The following ADGRA3 variants were observed in gnomAD, a reference collection of about 807,000 sequenced individuals.
ADGRA3 encodes the protein G-protein coupled receptor 125.
A neutral mutation model predicts 119.8 loss-of-function variants in ADGRA3; 56 were observed. The ratio of observed to expected loss-of-function variants is 0.47; its 90% CI spans 0.38 to 0.58. The LOEUF (loss-of-function observed/expected upper bound fraction) is 0.58. ADGRA3 is among the 20% of genes least tolerant of loss of function. The pLI is 0.00. For synonymous variants in ADGRA3, 607 were observed against 623.8 expected (o/e 0.97, Z 0.40); for missense variants, 1,516 against 1,649.0 (o/e 0.92, Z 1.40).
At chr4:22,413,477 C>T (rs1715300361) in intron 13 of ADGRA3, 87 bp from the exon 14 acceptor site, 9 of 1,377,974 alleles carry the variant, frequency 6.5e-6, no homozygotes, top group Non-Finnish European at 9.3e-6. Context: ...GGGTACTCTG[C>T]AAGATCTTTC....
intron 4 of ADGRA3, among the ~76,000 whole-genome samples, chr4:22,453,731 G>A (rs1483465142): frequency 6.6e-6 from 1 of 152,056 alleles, no homozygotes; most frequent in African/African-American, 2.4e-5. Context: ...TCTTTCAGTG[G>A]CTTCCTATTG....
Position 22,515,953 on chromosome 4 carries a change from G to A in ADGRA3, c.-169C>T. The A allele has an allele frequency of 3.9e-6, 1 of 258,044 alleles. No individual in the cohort carries two copies. The highest frequency in any genetic ancestry group is 6.1e-6 in the Non-Finnish European group (1 of 165,002). 16.0% of individuals were successfully genotyped at this position (258,044 alleles called of 1,614,324 possible). A position where few individuals can be genotyped will look rare whatever the true frequency, so the allele number is the denominator to read the frequency against. The stretch of plus-strand genomic sequence containing the variant: ...ACATGCTCCTTTGTCCGCTGCGGCT[G>A]CGCTGGGCCTCTAGGGAGCCGGGGG... On this transcript the variant is annotated 5_prime_UTR_variant, in exon 1 of 19. Transcript: ENST00000334304.
intron 14 of ADGRA3, among the ~76,000 whole-genome samples, chr4:22,410,263 C>T (rs1241798744): frequency 6.6e-6 from 1 of 152,128 alleles, no homozygotes; most frequent in East Asian, 1.9e-4. Flanking sequence ...ATAGTTTGAA[C>T]CTAATCATAA....
At chr4:22,396,716 G>A (rs560686466) in intron 16 of ADGRA3, among the ~76,000 whole-genome samples, 6 of 151,964 alleles carry the variant, frequency 3.9e-5, no homozygotes, top group Non-Finnish European at 5.9e-5. Context: ...TTCATCAAAG[G>A]GAAACACATT....
At chr4:22,446,508 A>G (rs1393865535) in intron 5 of ADGRA3, among the ~76,000 whole-genome samples, 2 of 152,166 alleles carry the variant, frequency 1.3e-5, no homozygotes, top group Non-Finnish European at 2.9e-5. Context: ...CAAAAAGAGA[A>G]ACAAGATGGA....
chr4:22,398,112 GTT>G, intron 16 of ADGRA3: 1 of 985,318 alleles, frequency 1.0e-6, no homozygotes, highest in South Asian at 4.7e-5. Context: ...CTTGTAGGCA[GTT>G]TGTTTACAGA....
intron 16 of ADGRA3, among the ~76,000 whole-genome samples, chr4:22,395,857 A>T (rs974304112): frequency 6.6e-6 from 1 of 152,198 alleles, no homozygotes; most frequent in South Asian, 2.1e-4. Context: ...ACAGTAGTTG[A>T]CAAGTAGAAT....
chr4:22,471,905 T>G (rs571560485), intron 2 of ADGRA3, among the ~76,000 whole-genome samples: 1 of 152,330 alleles, frequency 6.6e-6, no homozygotes, highest in Non-Finnish European at 1.5e-5. Context: ...CAGAGATTTG[T>G]TAGCTTTAAA....
intron 1 of ADGRA3, among the ~76,000 whole-genome samples, chr4:22,501,325 T>C (rs1247582931): frequency 1.6e-5 from 2 of 125,114 alleles, no homozygotes; most frequent in African/African-American, 5.0e-5. Context: ...TGAAATCCCA[T>C]TTTCTTGAAG....
Position 22,388,197 on chromosome 4 carries a change from T to A in ADGRA3, c.3474A>T (p.Leu1158Phe). The A allele has an allele frequency of 6.2e-7, 1 of 1,614,150 alleles. No individual in the cohort carries two copies. Among genetic ancestry groups the A allele is most frequent in the South Asian group, 1.1e-5 (1 of 91,088 alleles). ...DNDIKMHVAP[L>F]EVQFRTNVHS... The stretch of plus-strand genomic sequence containing the variant: ...GCACATTTGTTCGAAACTGAACTTC[T>A]AAAGGCGCCACGTGCATTTTAATAT... Residue 1158 changes from leucine to phenylalanine, a missense_variant, in exon 19 of 19, where the codon TTA (leucine) becomes TTT (phenylalanine). Physicochemically the swap from Leu to Phe is conservative, Grantham distance 22. Coordinates refer to ENST00000334304, the MANE Select transcript of ADGRA3 (RefSeq NM_145290.4).
intron 4 of ADGRA3, among the ~76,000 whole-genome samples, chr4:22,453,062 C>T (rs1284084951): frequency 6.6e-6 from 1 of 151,552 alleles, no homozygotes; most frequent in African/African-American, 2.4e-5. Flanking sequence ...ATTAGCCGGG[C>T]GTGGTGGCGG....
rs1431270333 is a variant in ADGRA3 at position 22,392,548 on chromosome 4, A to G, written c.2624T>C (p.Leu875Pro). The change falls in exon 17 of 19, where the codon CTC (leucine) becomes CCC (proline). Residue 875 changes from leucine (L) to proline (P), a missense_variant. This residue lies in a region of ADGRA3 where 1,088 missense variants were observed against 1,107.1 expected (regional missense o/e 0.98). Transcript: ENST00000334304. ...DEPPPPPRPM[L>P]RFYLIGGGIP... ...ATACAACAAAGATATGAGATACCTG[A>G]GCATTGGTCTTGGTGGAGGTGGTGG... 1 of 1,613,480 alleles carries G rather than the reference A, an allele frequency of 6.2e-7. No individual in the cohort carries two copies. The highest frequency in any genetic ancestry group is 1.3e-5 in the African/African-American group (1 of 74,878).
chr4:22,440,023 A>C, intron 7 of ADGRA3, among the ~76,000 whole-genome samples: 1 of 152,208 alleles, frequency 6.6e-6, no homozygotes, highest in Non-Finnish European at 1.5e-5. Context: ...TTAATGAGAT[A>C]TGTGTGCCTG....
intron 1 of ADGRA3, among the ~76,000 whole-genome samples, chr4:22,491,849 G>C (rs570654398): frequency 6.6e-6 from 1 of 152,258 alleles, no homozygotes; most frequent in South Asian, 2.1e-4. Context: ...ATTTTAACAA[G>C]TATGAGAATA....
intron 1 of ADGRA3, among the ~76,000 whole-genome samples, chr4:22,510,370 C>G (rs542265810): frequency 2.0e-5 from 3 of 152,168 alleles, no homozygotes; most frequent in Non-Finnish European, 4.4e-5. Context: ...AACACCTCAA[C>G]TGGGAAGGCC....
intron 1 of ADGRA3, among the ~76,000 whole-genome samples, chr4:22,503,930 C>A (rs1560350542): frequency 6.6e-6 from 1 of 152,090 alleles, no homozygotes; most frequent in Admixed American, 6.6e-5. Context: ...CCTTCAAGAA[C>A]AATTCTTGAA....
intron 1 of ADGRA3, among the ~76,000 whole-genome samples, chr4:22,480,955 G>A (rs907248731): frequency 2.6e-5 from 4 of 152,050 alleles, no homozygotes; most frequent in South Asian, 2.1e-4. Flanking sequence ...GAGGAGGATC[G>A]CTTGAGCCCA....
At chr4:22,424,828 T>G (rs1391476124) in intron 10 of ADGRA3, among the ~76,000 whole-genome samples, 1 of 152,144 alleles carries the variant, frequency 6.6e-6, no homozygotes, top group Non-Finnish European at 1.5e-5. Flanking sequence ...TCCCAGCACT[T>G]TGGGAGGCCG....
intron 1 of ADGRA3, chr4:22,477,709 G>C (rs1474778481): frequency 6.6e-6 from 1 of 152,146 alleles, no homozygotes; most frequent in Non-Finnish European, 1.5e-5. Flanking sequence ...TTTTATTGAG[G>C]AAAGTAAAAA....
Sources: gnomAD v4.1 joint callset for allele counts (sites outside exome capture counted in the v4.1 genomes callset) on GRCh38, gnomAD v4.1.1 for gene constraint, gnomAD v4.1.1 regional missense constraint, MANE v1.5 for transcripts, NCBI Gene and HGNC (gene_info 2026-07-23, HGNC 2026-07-21) for gene names.